Variants in OPCML observed in about 807,000 individuals in gnomAD.
The protein encoded by OPCML is opioid binding protein/cell adhesion molecule like.
Under a neutral mutation model 37.8 loss-of-function variants are expected in OPCML, and 13 were observed. That is an observed-to-expected ratio of 0.34 (90% CI 0.22 to 0.55). OPCML has a LOEUF of 0.55. Among genes scored for constraint, OPCML ranks in the 20% least tolerant of loss-of-function variants. The probability of loss-of-function intolerance (pLI) is 0.91; values close to 1 mark genes in which losing one functional copy is unlikely to be tolerated. For missense variants in OPCML, 341 were observed against 435.6 expected (o/e 0.78, Z 1.93); for synonymous variants, 176 against 168.8 (o/e 1.04, Z -0.33).
intron 1 of OPCML, among the ~76,000 whole-genome samples, chr11:133,224,132 C>T (rs776264871): frequency 4.6e-5 from 7 of 152,178 alleles, no homozygotes; most frequent in Non-Finnish European, 7.3e-5. Flanking sequence ...CCTCCAGCAG[C>T]TGCTCATTTT....
At chr11:133,296,622 T>G (rs1352577458) in intron 1 of OPCML, among the ~76,000 whole-genome samples, 1 of 152,210 alleles carries the variant, frequency 6.6e-6, no homozygotes. Context: ...TATACGATGC[T>G]TCCAACTCCT....
intron 1 of OPCML, among the ~76,000 whole-genome samples, chr11:133,371,822 C>T (rs182172715): frequency 6.6e-6 from 1 of 152,222 alleles, no homozygotes; most frequent in East Asian, 1.9e-4. Flanking sequence ...TCTATACGTA[C>T]TGGAATACTA....
chr11:132,790,617 C>T (rs1437200465), intron 2 of OPCML, among the ~76,000 whole-genome samples: 1 of 152,228 alleles, frequency 6.6e-6, no homozygotes, highest in Non-Finnish European at 1.5e-5. Context: ...ATTGTGTGAG[C>T]TTCTCTCAGC....
At chr11:133,462,418 A>C (rs1946879253) in intron 1 of OPCML, among the ~76,000 whole-genome samples, 2 of 152,128 alleles carry the variant, frequency 1.3e-5, no homozygotes, top group African/African-American at 4.8e-5. Context: ...TGGAGTAAAA[A>C]CTAAATTGCA....
intron 1 of OPCML, among the ~76,000 whole-genome samples, chr11:133,123,840 G>A (rs525545): frequency 0.072 from 11,015 of 152,064 alleles, 518 homozygotes; most frequent in South Asian, 0.12. Flanking sequence ...TGCTGGTATC[G>A]TTGGTATCAA....
At chr11:132,709,792 T>C (rs1317142898) in intron 2 of OPCML, among the ~76,000 whole-genome samples, 1 of 152,198 alleles carries the variant, frequency 6.6e-6, no homozygotes, top group East Asian at 1.9e-4. Flanking sequence ...TTATGATTTG[T>C]TAAAACCAAC....
At chr11:132,651,373 A>G (rs1941420254) in intron 3 of OPCML, among the ~76,000 whole-genome samples, 1 of 152,176 alleles carries the variant, frequency 6.6e-6, no homozygotes, top group Non-Finnish European at 1.5e-5. Context: ...GCTTTTGGGA[A>G]GCATAATCAA....
chr11:133,324,028 G>T (rs2136628500), intron 1 of OPCML, among the ~76,000 whole-genome samples: 1 of 152,266 alleles, frequency 6.6e-6, no homozygotes, highest in South Asian at 2.1e-4. Flanking sequence ...CTGAGAAAAA[G>T]CCCTGGCAGT....
intron 2 of OPCML, among the ~76,000 whole-genome samples, chr11:132,736,446 C>T (rs1945262423): frequency 1.3e-5 from 2 of 152,166 alleles, no homozygotes; most frequent in South Asian, 4.1e-4. Context: ...AGAGGGTGAA[C>T]TGTGATGGCC....
intron 4 of OPCML, among the ~76,000 whole-genome samples, chr11:132,476,630 A>T (rs2096156960): frequency 6.6e-6 from 1 of 152,136 alleles, no homozygotes; most frequent in African/African-American, 2.4e-5. Context: ...CATAGGTGGG[A>T]ATTGAACAAT....
At chr11:132,680,827 C>A (rs952784535) in intron 2 of OPCML, among the ~76,000 whole-genome samples, 1 of 152,278 alleles carries the variant, frequency 6.6e-6, no homozygotes, top group East Asian at 1.9e-4. Context: ...ATGAGACTGA[C>A]AAGCCGCTCC....
intron 3 of OPCML, among the ~76,000 whole-genome samples, chr11:132,548,214 G>A (rs905645282): frequency 1.3e-5 from 2 of 152,172 alleles, no homozygotes; most frequent in African/African-American, 4.8e-5. Flanking sequence ...GGTGGGCAGG[G>A]TGCAGAGAGT....
intron 1 of OPCML, among the ~76,000 whole-genome samples, chr11:133,012,564 T>C (rs1947238880): frequency 6.6e-6 from 1 of 152,302 alleles, no homozygotes; most frequent in South Asian, 2.1e-4. Context: ...ATTGAGATAT[T>C]TTCTAATGCT....
At chr11:132,956,040 C>T (rs1384048295) in intron 1 of OPCML, among the ~76,000 whole-genome samples, 8 of 152,194 alleles carry the variant, frequency 5.3e-5, no homozygotes, top group African/African-American at 1.9e-4. Flanking sequence ...AACCCATACC[C>T]TCCAGTCTCA....
intron 2 of OPCML, among the ~76,000 whole-genome samples, chr11:132,859,038 G>T (rs1001921820): frequency 1.3e-5 from 2 of 152,096 alleles, no homozygotes; most frequent in African/African-American, 4.8e-5. Flanking sequence ...CTCTCAGTTG[G>T]ACTTCTCTCT....
At chr11:132,518,438 G>T (rs1254589645) in intron 4 of OPCML, among the ~76,000 whole-genome samples, 1 of 152,144 alleles carries the variant, frequency 6.6e-6, no homozygotes, top group African/African-American at 2.4e-5. Context: ...TGGTCTATGA[G>T]TATCCCATCT....
chr11:132,577,229 TC>T (rs2096453026), intron 3 of OPCML, among the ~76,000 whole-genome samples: 1 of 152,170 alleles, frequency 6.6e-6, no homozygotes, highest in Non-Finnish European at 1.5e-5. Flanking sequence ...AAAAGGATGG[TC>T]CAGGGCTTCC....
At chr11:133,126,723 G>C (rs940627136) in intron 1 of OPCML, among the ~76,000 whole-genome samples, 1 of 152,086 alleles carries the variant, frequency 6.6e-6, no homozygotes, top group East Asian at 1.9e-4. Flanking sequence ...CTTTCTGGGA[G>C]AACAATGAAG....
intron 3 of OPCML, among the ~76,000 whole-genome samples, chr11:132,576,082 A>G (rs2096449951): frequency 6.6e-6 from 1 of 151,962 alleles, no homozygotes; most frequent in Non-Finnish European, 1.5e-5. Flanking sequence ...TACTTTCAAA[A>G]CTATTTGTCT....
Sources: allele counts gnomAD v4.1 joint callset (sites outside exome capture counted in the v4.1 genomes callset), GRCh38; gene constraint gnomAD v4.1.1; transcripts MANE v1.5; gene names NCBI Gene and HGNC (gene_info 2026-07-23, HGNC 2026-07-21).